The following CDK19 variants were observed in gnomAD, a reference collection of about 807,000 sequenced individuals.
CDK19 encodes the protein cyclin dependent kinase 19, also known as cyclin-dependent kinase 19.
Under a neutral mutation model 68.3 loss-of-function variants are expected in CDK19, and 20 were observed. The observed-to-expected ratio is 0.29, with a 90% CI of 0.21 to 0.43. The LOEUF (loss-of-function observed/expected upper bound fraction) is 0.43, where lower values mean the gene tolerates loss of function less well. Among genes scored for constraint, CDK19 ranks in the 20% least tolerant of loss-of-function variants. The pLI is 1.00. For synonymous variants in CDK19, 221 were observed against 222.8 expected, an observed-to-expected ratio of 0.99 and a Z score of 0.07; for missense variants, 339 against 623.5, an observed-to-expected ratio of 0.54 and a Z score of 4.86.
rs141753521 is a variant in CDK19 at position 110,691,139 on chromosome 6, C to A, written c.205-20598G>T. On this transcript the variant is annotated intron_variant, in intron 2 of 12. Coordinates refer to ENST00000368911, the MANE Select transcript of CDK19 (RefSeq NM_015076.5). ...CATGAAGAAATTTTTTAAAAAAAATCCAGGATATGAATGAAAAATTTTCTA... is the reference window on the plus strand; with the variant it reads ...CATGAAGAAATTTTTTAAAAAAAATACAGGATATGAATGAAAAATTTTCTA... Among the ~76,000 whole-genome samples, 788 of 152,078 alleles carry A rather than the reference C, an allele frequency of 5.2e-3. 3 individuals are homozygous for A. Among genetic ancestry groups the A allele is most frequent in the Middle Eastern group, 0.017 (5 of 294 alleles).
At chr6:110,703,439 A>G (rs1005579154) in intron 2 of CDK19, among the ~76,000 whole-genome samples, 2 of 152,198 alleles carry the variant, frequency 1.3e-5, no homozygotes, top group Non-Finnish European at 2.9e-5. Context: ...ATTTCAAAAA[A>G]TACTATTAAT....
At chr6:110,646,207 C>T (rs1203114427) in intron 4 of CDK19, 7 of 1,393,138 alleles carry the variant, frequency 5.0e-6, no homozygotes, top group African/African-American at 1.4e-5. Context: ...CTCAGCAACT[C>T]GTCGGGGTCC....
chr6:110,788,071 C>T (rs1037530873), intron 1 of CDK19, among the ~76,000 whole-genome samples: 3 of 152,050 alleles, frequency 2.0e-5, no homozygotes, highest in African/African-American at 7.2e-5. Context: ...AACTCCTGAC[C>T]TCACGTGATC....
intron 2 of CDK19, among the ~76,000 whole-genome samples, chr6:110,741,859 C>T (rs950701208): frequency 2.0e-5 from 3 of 152,092 alleles, no homozygotes; most frequent in East Asian, 1.9e-4. Context: ...AAAAGAATTA[C>T]GACATTCCCA....
At chr6:110,764,473 G>A (rs767574344) in intron 1 of CDK19, among the ~76,000 whole-genome samples, 1 of 152,084 alleles carries the variant, frequency 6.6e-6, no homozygotes, top group Non-Finnish European at 1.5e-5. Context: ...TCACATGTTC[G>A]TTGACAAAGG....
chr6:110,796,420 A>G (rs1562295488), intron 1 of CDK19, among the ~76,000 whole-genome samples: 1 of 152,118 alleles, frequency 6.6e-6, no homozygotes, highest in Non-Finnish European at 1.5e-5. Context: ...TGGGAGGCTG[A>G]GGTGGGTGGA....
At chr6:110,720,826 G>A (rs934377395) in intron 2 of CDK19, among the ~76,000 whole-genome samples, 9 of 139,872 alleles carry the variant, frequency 6.4e-5, no homozygotes, top group Non-Finnish European at 1.1e-4. Context: ...GAGATCACAC[G>A]ACTGGCACTC....
At chr6:110,653,501 C>G (rs988482825) in intron 4 of CDK19, among the ~76,000 whole-genome samples, 1 of 152,222 alleles carries the variant, frequency 6.6e-6, no homozygotes, top group Non-Finnish European at 1.5e-5. Context: ...TAAAACTCCT[C>G]TTCTTACTGT....
chr6:110,731,535 G>A (rs185318735), intron 2 of CDK19, among the ~76,000 whole-genome samples: 1 of 152,268 alleles, frequency 6.6e-6, no homozygotes, highest in East Asian at 1.9e-4. Context: ...ATGGTTGCAC[G>A]ACGTGTGAAA....
intron 2 of CDK19, chr6:110,722,275 T>G (rs1405118957): frequency 5.9e-5 from 9 of 152,134 alleles, no homozygotes; most frequent in Non-Finnish European, 1.5e-5. Context: ...TTCACAAATT[T>G]GCATGTCATC....
intron 1 of CDK19, among the ~76,000 whole-genome samples, chr6:110,786,120 T>C (rs9487523): frequency 0.014 from 2,118 of 152,294 alleles, 52 homozygotes; most frequent in African/African-American, 0.049. Context: ...GTCTGTATCA[T>C]AGAAGAGGAG....
intron 1 of CDK19, among the ~76,000 whole-genome samples, chr6:110,790,893 C>T (rs1439654791): frequency 6.6e-6 from 1 of 151,928 alleles, no homozygotes; most frequent in African/African-American, 2.4e-5. Context: ...GAACAAGGGC[C>T]GGGTGCGGTG....
In CDK19 at chr6:110,660,733, A is replaced by T. The variant is rs545731269; in HGVS notation, c.456+6701T>A. Among the ~76,000 whole-genome samples the T allele has an allele frequency of 8.5e-4, 129 of 152,346 alleles. 1 individual carries two copies. The highest frequency in any genetic ancestry group is 2.7e-3 in the South Asian group (13 of 4,828). ...GTCAAGCTGCTTATCTCCAATATGC[A>T]ACCAGTCTCCAACCTCCAGCTGCTT... On this transcript the variant is annotated intron_variant, in intron 4 of 12. Coordinates refer to ENST00000368911, the MANE Select transcript of CDK19 (RefSeq NM_015076.5).
chr6:110,673,049 CT>C (rs2114461700), intron 2 of CDK19, among the ~76,000 whole-genome samples: 1 of 152,168 alleles, frequency 6.6e-6, no homozygotes, highest in South Asian at 2.1e-4. Flanking sequence ...ATTTCCAGAA[CT>C]TTTTCATCCC....
intron 1 of CDK19, among the ~76,000 whole-genome samples, chr6:110,755,624 T>G (rs988798639): frequency 2.6e-5 from 4 of 152,046 alleles, no homozygotes; most frequent in African/African-American, 9.7e-5. Flanking sequence ...CCATGCTATA[T>G]CCAAGCAATT....
Position 110,804,828 on chromosome 6 carries a change from C to T in CDK19, c.128+10181G>A, listed in dbSNP as rs1021669198. On this transcript the variant is annotated intron_variant, in intron 1 of 12. Transcript: ENST00000368911. ...AAAATTAGCCGGGCGTGGTGGCGAG[C>T]GTCTGTAGTCCCAGCCACTCGGGAG... Among the ~76,000 whole-genome samples, 4 of 151,516 alleles carry T rather than the reference C, an allele frequency of 2.6e-5. No individual in the cohort carries two copies. The South Asian group carries it at 6.3e-4, about 24-fold the overall frequency.
At chr6:110,806,002 G>A (rs577256840) in intron 1 of CDK19, among the ~76,000 whole-genome samples, 2 of 148,304 alleles carry the variant, frequency 1.3e-5, no homozygotes, top group South Asian at 4.3e-4. Flanking sequence ...TAAGTAACTT[G>A]TACTTCCTTT....
chr6:110,771,900 T>C (rs1006604286), intron 1 of CDK19, among the ~76,000 whole-genome samples: 3 of 152,186 alleles, frequency 2.0e-5, no homozygotes, highest in African/African-American at 7.2e-5. Flanking sequence ...TTTGCTCCAG[T>C]TCCCAACAAG....
At chr6:110,759,929 A>G (rs1285690059) in intron 1 of CDK19, among the ~76,000 whole-genome samples, 1 of 152,160 alleles carries the variant, frequency 6.6e-6, no homozygotes, top group Non-Finnish European at 1.5e-5. Context: ...ATAAATACCA[A>G]TAATAATGAG....
Sources: gnomAD v4.1 joint callset for allele counts (sites outside exome capture counted in the v4.1 genomes callset) on GRCh38, gnomAD v4.1.1 for gene constraint, MANE v1.5 for transcripts, NCBI Gene and HGNC (gene_info 2026-07-23, HGNC 2026-07-21) for gene names.